The following SSH2 variants were observed in gnomAD, a reference collection of about 807,000 sequenced individuals.
SSH2 encodes slingshot protein phosphatase 2.
A neutral mutation model predicts 135.2 loss-of-function variants in SSH2; 37 were observed. The ratio of observed to expected loss-of-function variants is 0.27; its 90% CI spans 0.21 to 0.36. The LOEUF (loss-of-function observed/expected upper bound fraction) is 0.36, where lower values mean the gene tolerates loss of function less well. SSH2 is among the 10% of genes least tolerant of loss of function. The pLI is 1.00. For missense variants in SSH2, 1,408 were observed against 1,765.3 expected (o/e 0.80, Z 3.63); for synonymous variants, 628 against 646.2 (o/e 0.97, Z 0.43).
At chr17:29,729,036 G>A (rs1307461447) in intron 3 of SSH2, among the ~76,000 whole-genome samples, 1 of 151,996 alleles carries the variant, frequency 6.6e-6, no homozygotes, top group African/African-American at 2.4e-5. Context: ...AAGCAAAAAT[G>A]GACAAACAGG....
At chr17:29,649,678 G>GTC (rs1218975650) in intron 13 of SSH2, among the ~76,000 whole-genome samples, 2 of 152,082 alleles carry the variant, frequency 1.3e-5, no homozygotes, top group African/African-American at 4.8e-5. Context: ...CCACTTATTT[G>GTC]ACCTCTCTGA....
chr17:29,898,092 C>A (rs1235824479), intron 1 of SSH2, among the ~76,000 whole-genome samples: 2 of 151,952 alleles, frequency 1.3e-5, no homozygotes, highest in Non-Finnish European at 2.9e-5. Flanking sequence ...AGAACAAAGA[C>A]ACAACATACC....
intron 15 of SSH2, among the ~76,000 whole-genome samples, chr17:29,635,094 G>A (rs2150967413): frequency 1.3e-5 from 2 of 152,112 alleles, no homozygotes; most frequent in Admixed American, 1.3e-4. Flanking sequence ...TGTAGAGACA[G>A]GGTTTCACCA....
At chr17:29,829,198 G>A (rs936682331) in intron 2 of SSH2, among the ~76,000 whole-genome samples, 2 of 152,144 alleles carry the variant, frequency 1.3e-5, no homozygotes, top group South Asian at 2.1e-4. Context: ...GGCCTTAGTC[G>A]AAGTGCTCTG....
intron 11 of SSH2, among the ~76,000 whole-genome samples, chr17:29,658,685 T>C (rs1317911574): frequency 6.6e-6 from 1 of 151,916 alleles, no homozygotes; most frequent in African/African-American, 2.4e-5. Context: ...CTGACCACCA[T>C]GGAGAAACCC....
intron 5 of SSH2, among the ~76,000 whole-genome samples, chr17:29,686,793 C>T (rs1225347763): frequency 2.6e-5 from 4 of 152,064 alleles, no homozygotes; most frequent in African/African-American, 9.7e-5. Flanking sequence ...CTCAGCCTCC[C>T]AAGTAACTGG....
At chr17:29,763,624 G>T (rs2041374085) in intron 3 of SSH2, among the ~76,000 whole-genome samples, 1 of 152,036 alleles carries the variant, frequency 6.6e-6, no homozygotes, top group Non-Finnish European at 1.5e-5. Context: ...ACAGATGATG[G>T]CATGGTAATC....
rs546961021 is a variant in SSH2 at position 29,776,228 on chromosome 17, T to G, written c.188+17666A>C. 2.6e-5 allele frequency: 4 copies of G among 152,348 alleles called. No homozygotes were observed. The East Asian group carries it at 7.7e-4, about 29-fold the overall frequency. 9.4% of individuals were successfully genotyped at this position (152,348 alleles called of 1,614,324 possible). ...GGTGATACACCTACGGAGTATGCTA[T>G]TCCTCTAACACTTTGGATTTATCTA... On this transcript the variant is annotated intron_variant, in intron 3 of 15. Coordinates refer to ENST00000540801, the MANE Select transcript of SSH2 (RefSeq NM_001282129.2).
At chr17:29,809,880 T>G (rs954978640) in intron 2 of SSH2, among the ~76,000 whole-genome samples, 2 of 152,102 alleles carry the variant, frequency 1.3e-5, no homozygotes, top group African/African-American at 4.8e-5. Context: ...AGATTGGAAC[T>G]TAGGTGTCCC....
chr17:29,739,170 T>C (rs1158511666), intron 3 of SSH2, among the ~76,000 whole-genome samples: 1 of 152,086 alleles, frequency 6.6e-6, no homozygotes, highest in African/African-American at 2.4e-5. Flanking sequence ...AAAAATTTTA[T>C]AGGAAGATAA....
intron 2 of SSH2, among the ~76,000 whole-genome samples, chr17:29,824,776 A>G (rs1178714892): frequency 6.6e-6 from 1 of 152,206 alleles, no homozygotes; most frequent in Non-Finnish European, 1.5e-5. Flanking sequence ...TTGAATTTAT[A>G]TGTAATGAAC....
chr17:29,797,345 T>C (rs538228889), intron 2 of SSH2, among the ~76,000 whole-genome samples: 1 of 152,276 alleles, frequency 6.6e-6, no homozygotes, highest in East Asian at 1.9e-4. Context: ...CCACCACAGA[T>C]TTTTGCCATA....
chr17:29,642,576 C>CA (rs375153116), intron 14 of SSH2, among the ~76,000 whole-genome samples: 4 of 151,952 alleles, frequency 2.6e-5, no homozygotes, highest in African/African-American at 9.7e-5. Context: ...CCACCCCCCC[C>CA]ACCGCCTCTT....
Position 29,630,832 on chromosome 17 carries a change from G to C in SSH2, c.*9C>G. On this transcript the variant is annotated 3_prime_UTR_variant, in exon 16 of 16. Coordinates refer to ENST00000540801, the MANE Select transcript of SSH2 (RefSeq NM_001282129.2). Reference sequence around the variant, plus strand: ...TTTCTTCTAGAAAGTCACATGTGTAGGCTCAGAATCACATGGTATTATAGA... The same window carrying C: ...TTTCTTCTAGAAAGTCACATGTGTACGCTCAGAATCACATGGTATTATAGA... 6.6e-7 allele frequency: 1 copy of C among 1,523,732 alleles called. No homozygotes were observed. The highest frequency in any genetic ancestry group is 8.8e-7 in the Non-Finnish European group (1 of 1,133,880). 94.4% of individuals were successfully genotyped at this position (1,523,732 alleles called of 1,614,324 possible).
chr17:29,678,395 A>C (rs2037818371), intron 6 of SSH2, among the ~76,000 whole-genome samples: 1 of 152,136 alleles, frequency 6.6e-6, no homozygotes, highest in South Asian at 2.1e-4. Flanking sequence ...CCCAAGGATT[A>C]TTTTTAATGC....
intron 15 of SSH2, among the ~76,000 whole-genome samples, chr17:29,635,660 G>A (rs1354137000): frequency 2.6e-5 from 4 of 151,926 alleles, no homozygotes; most frequent in Non-Finnish European, 4.4e-5. Context: ...CGCCCGCCTT[G>A]GCCTCCCAAA....
intron 3 of SSH2, among the ~76,000 whole-genome samples, chr17:29,705,865 G>T (rs1341447272): frequency 2.6e-5 from 4 of 152,090 alleles, no homozygotes; most frequent in African/African-American, 7.2e-5. Context: ...ACTCTATCCT[G>T]TTGTTCTGTT....
At chr17:29,761,269 C>T (rs1428635040) in intron 3 of SSH2, 6 of 1,288,542 alleles carry the variant, frequency 4.7e-6, no homozygotes, top group Non-Finnish European at 6.1e-6. Flanking sequence ...CCAACGTGCT[C>T]AGGGTCATGG....
chr17:29,865,437 G>C (rs2065837101), intron 1 of SSH2, among the ~76,000 whole-genome samples: 2 of 152,126 alleles, frequency 1.3e-5, no homozygotes, highest in African/African-American at 4.8e-5. Context: ...GGAGGACTTG[G>C]GATTCAACCT....
Sources: allele counts gnomAD v4.1 joint callset (sites outside exome capture counted in the v4.1 genomes callset), GRCh38; gene constraint gnomAD v4.1.1; transcripts MANE v1.5; gene names NCBI Gene and HGNC (gene_info 2026-07-23, HGNC 2026-07-21).